SLC37A3: variants seen among roughly 807,000 people sequenced by gnomAD.
SLC37A3 encodes the protein sugar phosphate exchanger 3.
A neutral mutation model predicts 67.1 loss-of-function variants in SLC37A3; 51 were observed. The ratio of observed to expected loss-of-function variants is 0.76; its 90% CI spans 0.61 to 0.96. SLC37A3 has a LOEUF of 0.96. Among genes scored for constraint, SLC37A3 ranks in the 40% least tolerant of loss-of-function variants. The probability of loss-of-function intolerance (pLI) is 0.00; values close to 1 mark genes in which losing one functional copy is unlikely to be tolerated. For synonymous variants in SLC37A3, 214 were observed against 231.4 expected (o/e 0.92, Z 0.68); for missense variants, 508 against 603.0 (o/e 0.84, Z 1.65).
rs113268794 is a variant in SLC37A3, at chr7:140,358,917, C to T, written c.376-132G>A. ...TCACACAGCCAGTGCCTGTAAGTCA[C>T]GTGGCCAGCATCACAAAGGTCCTGC... is the stretch of plus-strand genomic sequence containing the variant. On this transcript the variant is annotated intron_variant, in intron 5 of 14. Coordinates refer to ENST00000326232, the MANE Select transcript of SLC37A3 (RefSeq NM_207113.3). 4.0e-5 allele frequency: 46 copies of T among 1,142,972 alleles called. 1 individual carries two copies. The highest frequency in any genetic ancestry group is 3.5e-4 in the African/African-American group (23 of 65,486). 70.8% of individuals were successfully genotyped at this position (1,142,972 alleles called of 1,614,324 possible).
At chr7:140,353,972 A>T (rs1255851289) in intron 7 of SLC37A3, among the ~76,000 whole-genome samples, 2 of 152,132 alleles carry the variant, frequency 1.3e-5, no homozygotes. Flanking sequence ...AGCCTCCCAA[A>T]GTGCTGGGAT....
intron 11 of SLC37A3, among the ~76,000 whole-genome samples, chr7:140,345,611 A>G (rs2117045458): frequency 6.6e-6 from 1 of 152,252 alleles, no homozygotes; most frequent in Middle Eastern, 3.4e-3. Flanking sequence ...AGCCTCCCCC[A>G]AACAAAGCAT....
chr7:140,347,993 C>T (rs1294865930), intron 10 of SLC37A3, among the ~76,000 whole-genome samples: 3 of 152,046 alleles, frequency 2.0e-5, no homozygotes, highest in Admixed American at 6.6e-5. Flanking sequence ...TACATACCCA[C>T]GATCAAGTTT....
intron 4 of SLC37A3, among the ~76,000 whole-genome samples, chr7:140,368,437 C>T (rs550181969): frequency 1.1e-4 from 16 of 152,182 alleles, no homozygotes; most frequent in African/African-American, 3.9e-4. Flanking sequence ...CGTGGTGGCG[C>T]ATGCCTGCAA....
At chr7:140,393,049 G>A (rs912462813) in intron 1 of SLC37A3, among the ~76,000 whole-genome samples, 4 of 151,870 alleles carry the variant, frequency 2.6e-5, no homozygotes, top group African/African-American at 4.8e-5. Flanking sequence ...CTGAGATCGC[G>A]CCACTGTACT....
chr7:140,338,176 C>A (rs774312373), intron 13 of SLC37A3, among the ~76,000 whole-genome samples: 1 of 152,152 alleles, frequency 6.6e-6, no homozygotes, highest in African/African-American at 2.4e-5. Flanking sequence ...AGGCGTACTG[C>A]GCCCGGCCCA....
At position 140,364,442 on chromosome 7, in the gene SLC37A3, A is replaced by C; in HGVS notation, c.341T>G (p.Val114Gly). The C allele has an allele frequency of 1.2e-6, 2 of 1,614,010 alleles. No individual in the cohort carries two copies. The highest frequency in any genetic ancestry group is 8.5e-7 in the Non-Finnish European group (1 of 1,180,010). The change falls in exon 5 of 15, where the codon GTT (valine) becomes GGT (glycine). Residue 114 changes from valine (V) to glycine (G), a missense_variant. By Grantham distance (109) the Val-to-Gly change is moderately radical. Transcript: ENST00000326232. ...IVGDRLNLRW[V>G]LSFGMCSSAL... ...AGAAGAGCACATGCCAAAAGACAGA[A>C]CCCATCGCAAATTCAACCGATCCCC...
At chr7:140,396,884 T>A (rs1223016178) in intron 1 of SLC37A3, among the ~76,000 whole-genome samples, 1 of 90,754 alleles carries the variant, frequency 1.1e-5, no homozygotes, top group Non-Finnish European at 2.5e-5. Flanking sequence ...CAATTTCTGT[T>A]TTTTTTTTTG....
At position 140,345,246 on chromosome 7, in the gene SLC37A3, A is replaced by G; in HGVS notation, c.1144T>C (p.Ser382Pro). 1 of 1,614,110 alleles carries G rather than the reference A, an allele frequency of 6.2e-7. No homozygotes were observed. The highest frequency in any genetic ancestry group is 8.5e-7 in the Non-Finnish European group (1 of 1,179,968). Residue 382 changes from serine (S) to proline (P), a missense_variant, in exon 12 of 15, where the codon TCC becomes CCC. Physicochemically the swap from Ser to Pro is moderately conservative, Grantham distance 74 (BLOSUM62 -1). Coordinates refer to ENST00000326232, the MANE Select transcript of SLC37A3 (RefSeq NM_207113.3). ...ACAGTCATCAGAAGGGCATTGATGG[A>G]CTTATCATTTGGAGAACCTGTGAGG... ...IGYSRSPNDK[S>P]INALLMTVTG...
At chr7:140,372,885 C>G (rs552102526) in intron 3 of SLC37A3, among the ~76,000 whole-genome samples, 1 of 151,768 alleles carries the variant, frequency 6.6e-6, no homozygotes, top group African/African-American at 2.4e-5. Context: ...GCCAGTGTCA[C>G]GTAAGACTGT....
chr7:140,346,942 C>A (rs1041888913), intron 10 of SLC37A3, among the ~76,000 whole-genome samples: 2 of 151,556 alleles, frequency 1.3e-5, no homozygotes, highest in Non-Finnish European at 1.5e-5. Context: ...GTCTCAAAAA[C>A]CAAAAAAACT....
chr7:140,364,844 T>C (rs1046088906), intron 4 of SLC37A3, among the ~76,000 whole-genome samples: 2 of 152,180 alleles, frequency 1.3e-5, no homozygotes, highest in African/African-American at 4.8e-5. Flanking sequence ...TAAATAAGAA[T>C]GACTCTAATA....
chr7:140,374,219 G>A (rs1353039938), intron 3 of SLC37A3, among the ~76,000 whole-genome samples: 1 of 152,166 alleles, frequency 6.6e-6, no homozygotes, highest in Non-Finnish European at 1.5e-5. Context: ...TTTTAGGCCA[G>A]GTACGGTGGC....
At chr7:140,360,950 C>A (rs1797242568) in intron 5 of SLC37A3, among the ~76,000 whole-genome samples, 1 of 151,924 alleles carries the variant, frequency 6.6e-6, no homozygotes, top group Non-Finnish European at 1.5e-5. Context: ...TGATTTTAAC[C>A]ACTGCATACC....
chr7:140,361,933 C>T (rs1429029953), intron 5 of SLC37A3, among the ~76,000 whole-genome samples: 5 of 145,874 alleles, frequency 3.4e-5, no homozygotes, highest in Non-Finnish European at 7.6e-5. Flanking sequence ...GCCTTGGCCC[C>T]CCAAAGTGCC....
intron 10 of SLC37A3, among the ~76,000 whole-genome samples, chr7:140,346,333 T>C (rs1796559788): frequency 6.6e-6 from 1 of 152,060 alleles, no homozygotes; most frequent in African/African-American, 2.4e-5. Context: ...TGAGCCGAGA[T>C]TGCGCCACTG....
chr7:140,364,994 A>C (rs1797543093), intron 4 of SLC37A3, among the ~76,000 whole-genome samples: 1 of 152,190 alleles, frequency 6.6e-6, no homozygotes, highest in South Asian at 2.1e-4. Context: ...TTTCAGTTCC[A>C]ACCTTGTAAA....
intron 7 of SLC37A3, among the ~76,000 whole-genome samples, chr7:140,352,611 A>T (rs1217571961): frequency 6.6e-6 from 1 of 152,198 alleles, no homozygotes; most frequent in African/African-American, 2.4e-5. Flanking sequence ...AGATGAAGGA[A>T]AGAGCTGAAG....
At chr7:140,348,276 G>A (rs1173054919) in intron 10 of SLC37A3, among the ~76,000 whole-genome samples, 1 of 151,988 alleles carries the variant, frequency 6.6e-6, no homozygotes, top group Admixed American at 6.6e-5. Context: ...TAGCTTTAGA[G>A]CTAAGATATC....
Sources: gnomAD v4.1 joint callset for allele counts (sites outside exome capture counted in the v4.1 genomes callset) on GRCh38, gnomAD v4.1.1 for gene constraint, MANE v1.5 for transcripts, NCBI Gene and HGNC (gene_info 2026-07-23, HGNC 2026-07-21) for gene names.